USH2A: variants seen among roughly 807,000 people sequenced by gnomAD.
USH2A encodes the protein usherin.
A neutral mutation model predicts 538.9 loss-of-function variants in USH2A; 443 were observed. That is an observed-to-expected ratio of 0.82 (90% CI 0.76 to 0.89). USH2A has a LOEUF of 0.89. Ranked by LOEUF, USH2A falls within the 40% of genes least tolerant of loss-of-function variation. The probability of loss-of-function intolerance (pLI) is 0.00; values close to 1 mark genes in which losing one functional copy is unlikely to be tolerated. For synonymous variants in USH2A, 2,413 were observed against 2,273.5 expected (o/e 1.06, Z -1.75); for missense variants, 6,633 against 6,324.8 (o/e 1.05, Z -1.65).
intron 64 of USH2A, among the ~76,000 whole-genome samples, chr1:215,655,725 C>CTGTTTTTTTTTTTT (rs1657225032): frequency 1.0e-5 from 1 of 96,172 alleles, no homozygotes; most frequent in Admixed American, 1.2e-4. Context: ...GCTAGTTATT[C>CTGTTTTTTTTTTTT]TTTTTTTTTT....
chr1:216,101,948 C>T (rs1239194707), intron 21 of USH2A, among the ~76,000 whole-genome samples: 1 of 152,106 alleles, frequency 6.6e-6, no homozygotes, highest in Non-Finnish European at 1.5e-5. Context: ...AAGAGGTTTA[C>T]AACTTTAAAA....
At chr1:216,394,874 A>G (rs925942148) in intron 3 of USH2A, among the ~76,000 whole-genome samples, 3 of 151,058 alleles carry the variant, frequency 2.0e-5, no homozygotes, top group African/African-American at 4.9e-5. Flanking sequence ...GCCCGCCACC[A>G]CGCCCGGCTA....
intron 11 of USH2A, among the ~76,000 whole-genome samples, chr1:216,285,778 A>T (rs1027118949): frequency 2.0e-5 from 3 of 152,376 alleles, no homozygotes; most frequent in South Asian, 4.1e-4. Flanking sequence ...TTGCATCAGC[A>T]TGCCCTGGAT....
chr1:215,638,981 A>C (rs969606575), intron 69 of USH2A, among the ~76,000 whole-genome samples, 174 bp downstream of exon 69: 2 of 151,994 alleles, frequency 1.3e-5, no homozygotes, highest in African/African-American at 4.8e-5. Context: ...CCGTCTCAAA[A>C]AAAAACAACA....
At chr1:216,000,591 C>T (rs1268747738) in intron 32 of USH2A, 29 bp from the exon 33 acceptor site, 1 of 1,612,498 alleles carries the variant, frequency 6.2e-7, no homozygotes, top group South Asian at 1.1e-5. Flanking sequence ...CAAGAATTTA[C>T]TCAGCATTAT....
chr1:215,696,906 G>A (rs1658828385), intron 61 of USH2A, among the ~76,000 whole-genome samples: 1 of 152,044 alleles, frequency 6.6e-6, no homozygotes, highest in African/African-American at 2.4e-5. Flanking sequence ...CTCAGTGAGA[G>A]GATGCCGTGG....
At chr1:215,902,559 C>A (rs1665529901) in intron 38 of USH2A, among the ~76,000 whole-genome samples, 1 of 151,954 alleles carries the variant, frequency 6.6e-6, no homozygotes, top group South Asian at 2.1e-4. Flanking sequence ...ACTGTGTATA[C>A]AATAATACCA....
chr1:216,087,570 A>G (rs2032172914), intron 23 of USH2A, among the ~76,000 whole-genome samples: 1 of 146,888 alleles, frequency 6.8e-6, no homozygotes, highest in East Asian at 1.9e-4. Context: ...TAGACTATTC[A>G]GACTCAAGCA....
intron 21 of USH2A, among the ~76,000 whole-genome samples, chr1:216,149,176 C>A (rs1036684593): frequency 6.6e-6 from 1 of 152,124 alleles, no homozygotes; most frequent in Non-Finnish European, 1.5e-5. Context: ...TTTAACCTAG[C>A]CCTCATGTCT....
At chr1:216,169,272 C>T (rs2034229991) in intron 21 of USH2A, among the ~76,000 whole-genome samples, 1 of 152,088 alleles carries the variant, frequency 6.6e-6, no homozygotes, top group African/African-American at 2.4e-5. Flanking sequence ...ATACTGCTAA[C>T]AGCTAACAAA....
intron 32 of USH2A, 95 bp from the exon 33 acceptor site, chr1:216,000,657 T>C (rs1668248169): frequency 2.1e-6 from 3 of 1,461,694 alleles, no homozygotes; most frequent in Non-Finnish European, 2.9e-6. Context: ...AGAGAATTGT[T>C]AAGATAAGGC....
chr1:216,046,851 G>A (rs2030541642), intron 31 of USH2A, among the ~76,000 whole-genome samples: 1 of 152,082 alleles, frequency 6.6e-6, no homozygotes, highest in Admixed American at 6.6e-5. Flanking sequence ...TCCACCAAAA[G>A]TACTATTAAC....
chr1:215,817,167 G>T lies in USH2A; in HGVS notation c.9400C>A (p.Arg3134=). 4 of 1,612,236 alleles carry T rather than the reference G, an allele frequency of 2.5e-6. No homozygotes were observed. Among genetic ancestry groups the T allele is most frequent in the Non-Finnish European group, 3.4e-6 (4 of 1,178,730 alleles). Residue 3134 remains arginine, a synonymous_variant, in exon 48 of 72, where the codon CGG becomes AGG. Transcript: ENST00000307340. ...RSLQIDWVSP[R]KPNGIILGYD... is the part of the protein sequence containing the mutation. The stretch of plus-strand genomic sequence containing the variant: ...CCAAGAATGATGCCATTTGGCTTCC[G>T]TGGAGACACCCAATCAATTTGAAGA...
intron 21 of USH2A, among the ~76,000 whole-genome samples, chr1:216,157,463 C>A (rs1221166061): frequency 6.6e-6 from 1 of 152,128 alleles, no homozygotes; most frequent in Non-Finnish European, 1.5e-5. Flanking sequence ...ACACAGCAAT[C>A]CTGTTATACC....
At chr1:215,878,639 G>T in intron 42 of USH2A, 125 bp downstream of exon 42, 1 of 900,408 alleles carries the variant, frequency 1.1e-6, no homozygotes, top group African/African-American at 1.7e-5. Flanking sequence ...AAAGTTATGA[G>T]TCAGGGGATA....
In USH2A at chr1:215,675,519, G is replaced by A. The variant is rs149647002; in HGVS notation, c.12392C>T (p.Thr4131Ile). ...RLDPFTLYTL[T>I]LEACTRAGCA... ...ACCTGCTCTGGTGCAGGCCTCCAGG[G>A]TCAGTGTGTAGAGAGTGAAAGGATC... is the stretch of plus-strand genomic sequence containing the variant. Residue 4131 changes from threonine to isoleucine, a missense_variant, in exon 63 of 72, where the codon ACC becomes ATC. Transcript: ENST00000307340. 37 of 1,614,066 alleles carry A rather than the reference G, an allele frequency of 2.3e-5. No individual in the cohort carries two copies. In the African/African-American group the frequency reaches 4.1e-4, roughly 18 times the overall value.
At chr1:216,380,911 C>T (rs2038912300) in intron 3 of USH2A, among the ~76,000 whole-genome samples, 1 of 152,064 alleles carries the variant, frequency 6.6e-6, no homozygotes, top group Admixed American at 6.5e-5. Flanking sequence ...ATTAAACATA[C>T]ATTATGTAAG....
At chr1:215,786,917 A>C in intron 51 of USH2A, 43 bp from the exon 52 acceptor site, 1 of 1,596,300 alleles carries the variant, frequency 6.3e-7, no homozygotes, top group South Asian at 1.1e-5. Context: ...GGTATTTAAA[A>C]ATTTCATTTA....
In USH2A at chr1:216,422,412, AC is replaced by A. The variant is rs1414075221; in HGVS notation, c.-77del. ...CAGGCCCACGCCACTTGCCAGCAAT[AC>A]TTTGAAGCAGGGTACTTTAAGTGAT... On this transcript the variant is annotated 5_prime_UTR_variant, in exon 2 of 72. An upstream open reading frame in the 5' UTR gains an earlier in-frame stop. Coordinates refer to ENST00000307340, the MANE Select transcript of USH2A (RefSeq NM_206933.4). The A allele has an allele frequency of 3.2e-5, 51 of 1,598,738 alleles. No homozygotes were observed. In the South Asian group the frequency reaches 3.8e-4, roughly 12 times the overall value.
Sources: allele counts gnomAD v4.1 joint callset (sites outside exome capture counted in the v4.1 genomes callset), GRCh38; gene constraint gnomAD v4.1.1; transcripts MANE v1.5; gene names NCBI Gene and HGNC (gene_info 2026-07-23, HGNC 2026-07-21).